SPON1: variants seen among roughly 807,000 people sequenced by gnomAD.
The protein encoded by SPON1 is spondin-1.
SPON1 carries 52 observed loss-of-function variants against 111.7 expected under a neutral mutation model. That is an observed-to-expected ratio of 0.47 (90% confidence interval 0.37 to 0.59). The LOEUF (loss-of-function observed/expected upper bound fraction) is 0.59, where lower values mean the gene tolerates loss of function less well. Ranked by LOEUF, SPON1 falls within the 20% of genes least tolerant of loss-of-function variation. The pLI, the probability that SPON1 is intolerant of heterozygous loss-of-function variation, is 0.00. For synonymous variants in SPON1, 410 were observed against 395.8 expected (o/e 1.04, Z -0.43); for missense variants, 957 against 1,068.5 (o/e 0.90, Z 1.46).
chr11:14,152,153 T>G (rs10832202), intron 6 of SPON1, among the ~76,000 whole-genome samples: 59,112 of 151,830 alleles, frequency 0.39, 11,716 homozygotes, highest in East Asian at 0.55. Context: ...GTCATGCTTT[T>G]CATATGTCTC....
chr11:14,224,752 G>C (rs1010270267), intron 6 of SPON1: 1 of 503,368 alleles, frequency 2.0e-6, no homozygotes, highest in Non-Finnish European at 4.0e-6. Flanking sequence ...GAAAGACTGA[G>C]GGAGATATGA....
intron 5 of SPON1, among the ~76,000 whole-genome samples, chr11:14,087,819 G>A (rs1290058399): frequency 6.6e-6 from 1 of 152,154 alleles, no homozygotes; most frequent in Non-Finnish European, 1.5e-5. Context: ...AAATCTGGGT[G>A]CTCCTGTATT....
At chr11:14,083,428 T>C (rs531381039) in intron 5 of SPON1, among the ~76,000 whole-genome samples, 2 of 152,372 alleles carry the variant, frequency 1.3e-5, no homozygotes, top group South Asian at 4.1e-4. Context: ...TCTTTGATCC[T>C]ACACCAGAAC....
intron 6 of SPON1, among the ~76,000 whole-genome samples, chr11:14,136,299 C>G (rs1213945677): frequency 6.6e-6 from 1 of 152,144 alleles, no homozygotes; most frequent in Non-Finnish European, 1.5e-5. Flanking sequence ...CCCACAAAAG[C>G]CTGTCCAGCC....
chr11:14,244,528 A>AG (rs1407603558), intron 7 of SPON1, among the ~76,000 whole-genome samples: 9 of 151,824 alleles, frequency 5.9e-5, no homozygotes, highest in African/African-American at 2.2e-4. Context: ...AAAAAAAAAA[A>AG]AAAGAATCCA....
intron 7 of SPON1, among the ~76,000 whole-genome samples, chr11:14,247,651 C>T (rs782455630): frequency 2.6e-5 from 4 of 151,766 alleles, no homozygotes; most frequent in African/African-American, 4.8e-5. Flanking sequence ...CAGGCTGTGG[C>T]GATAGGTGGA....
rs528853511 is a variant in SPON1, at chr11:14,242,321, C to T, written c.826-1011C>T. Among the ~76,000 whole-genome samples the T allele has an allele frequency of 4.6e-5, 7 of 152,328 alleles. No homozygotes were observed. The South Asian group carries it at 1.0e-3, about 23-fold the overall frequency. On this transcript the variant is annotated intron_variant, in intron 6 of 15. Coordinates refer to ENST00000576479, the MANE Select transcript of SPON1 (RefSeq NM_006108.4). ...CTGTAGCCTTGTCGCTATGAGCCAG[C>T]CAAGCAAGTCTCTTCCCCTGGAACT... is the stretch of plus-strand genomic sequence containing the variant.
chr11:14,146,944 G>C lies in SPON1; in HGVS notation c.825+11376G>C, dbSNP rs73424142. 8.7e-3 allele frequency among the ~76,000 whole-genome samples: 1,241 copies of C among 143,256 alleles called. 14 individuals are homozygous for C. Among genetic ancestry groups the C allele is most frequent in the African/African-American group, 0.03 (1,156 of 39,154 alleles). The allele number at this position is 143,256 out of a possible 152,430, so 94.0% of individuals were successfully genotyped here. A position where few individuals can be genotyped will look rare whatever the true frequency, so the allele number is the denominator to read the frequency against. ...TACCTTAATCCTGGAACCAATACAA[G>C]CTCCAAATATATCAAAAATTTAAAT... On this transcript the variant is annotated intron_variant, in intron 6 of 15. Coordinates refer to ENST00000576479, the MANE Select transcript of SPON1 (RefSeq NM_006108.4).
chr11:14,080,191 G>A (rs1241276985), intron 5 of SPON1, among the ~76,000 whole-genome samples, 170 bp downstream of exon 5: 2 of 152,046 alleles, frequency 1.3e-5, no homozygotes, highest in Non-Finnish European at 2.9e-5. Context: ...ACATTATATG[G>A]GTATGCTTTC....
At chr11:14,230,321 T>C (rs889761168) in intron 6 of SPON1, among the ~76,000 whole-genome samples, 1 of 152,290 alleles carries the variant, frequency 6.6e-6, no homozygotes, top group South Asian at 2.1e-4. Flanking sequence ...TGAAGTGAAA[T>C]GTTATTACAT....
intron 6 of SPON1, among the ~76,000 whole-genome samples, chr11:14,152,980 A>G (rs967876109): frequency 6.6e-6 from 1 of 152,298 alleles, no homozygotes; most frequent in South Asian, 2.1e-4. Flanking sequence ...TATAATACAC[A>G]AAGAAGTGAG....
chr11:14,220,577 A>G (rs1292793200), intron 6 of SPON1, among the ~76,000 whole-genome samples: 2 of 152,236 alleles, frequency 1.3e-5, no homozygotes, highest in African/African-American at 2.4e-5. Flanking sequence ...TGAAAACATG[A>G]CAAGCTATAA....
At chr11:14,195,593 C>T (rs1554934974) in intron 6 of SPON1, among the ~76,000 whole-genome samples, 1 of 152,108 alleles carries the variant, frequency 6.6e-6, no homozygotes, top group Admixed American at 6.5e-5. Flanking sequence ...AGCAACAGCA[C>T]AATTACAAGA....
chr11:14,262,571 C>G, intron 14 of SPON1, 141 bp from the exon 15 acceptor site: 1 of 1,147,886 alleles, frequency 8.7e-7, no homozygotes, highest in East Asian at 2.6e-5. Context: ...TCTTTGGAGC[C>G]TCAGTTTCTT....
intron 5 of SPON1, among the ~76,000 whole-genome samples, chr11:14,089,313 T>C (rs1376793896): frequency 6.6e-6 from 1 of 152,170 alleles, no homozygotes; most frequent in Non-Finnish European, 1.5e-5. Context: ...GATGGGGTTT[T>C]TTGTGTGGGG....
chr11:13,981,706 G>A (rs1726664220), intron 1 of SPON1, among the ~76,000 whole-genome samples: 1 of 152,234 alleles, frequency 6.6e-6, no homozygotes, highest in South Asian at 2.1e-4. Flanking sequence ...TCCAGCTGCT[G>A]TAACAGGTGG....
intron 6 of SPON1, among the ~76,000 whole-genome samples, chr11:14,142,178 G>A (rs1232126925): frequency 6.6e-6 from 1 of 152,206 alleles, no homozygotes; most frequent in African/African-American, 2.4e-5. Flanking sequence ...TTGGAGCAGA[G>A]CCTGCCCTTA....
intron 8 of SPON1, 39 bp downstream of exon 8, chr11:14,254,768 C>T (rs782362085): frequency 6.3e-7 from 1 of 1,588,170 alleles, no homozygotes; most frequent in South Asian, 1.1e-5. Context: ...GGCTCCTTGC[C>T]TACCCGCTTC....
At chr11:14,206,782 TCATTATTGTGAAAACAGC>T (rs1554936233) in intron 6 of SPON1, among the ~76,000 whole-genome samples, 1 of 149,498 alleles carries the variant, frequency 6.7e-6, no homozygotes, top group African/African-American at 2.5e-5. Context: ...TAGGGAAGAG[TCATTATTGTGAAAACAGC>T]CACACTGCCC....
Sources: gnomAD v4.1 joint callset for allele counts (sites outside exome capture counted in the v4.1 genomes callset) on GRCh38, gnomAD v4.1.1 for gene constraint, MANE v1.5 for transcripts, NCBI Gene and HGNC (gene_info 2026-07-23, HGNC 2026-07-21) for gene names.